CHRNA7: variants seen among roughly 807,000 people sequenced by gnomAD.
The protein encoded by CHRNA7 is cholinergic receptor nicotinic alpha 7 subunit.
In CHRNA7, 17 loss-of-function variants were observed where a neutral mutation model predicts 48.0. The observed-to-expected ratio is 0.35, with a 90% CI of 0.24 to 0.53. CHRNA7 has a LOEUF of 0.53. Ranked by LOEUF, CHRNA7 falls within the 20% of genes least tolerant of loss-of-function variation. The pLI, the probability that CHRNA7 is intolerant of heterozygous loss-of-function variation, is 0.92. For missense variants in CHRNA7, 155 were observed against 577.7 expected (o/e 0.27, Z 7.50); for synonymous variants, 75 against 242.3 (o/e 0.31, Z 6.41).
At chr15:32,127,393 TA>T (rs1159698076) in intron 4 of CHRNA7, among the ~76,000 whole-genome samples, 1 of 152,174 alleles carries the variant, frequency 6.6e-6, no homozygotes, top group African/African-American at 2.4e-5. Context: ...GAAACTGCCA[TA>T]CTCTTTTCCA....
intron 2 of CHRNA7, among the ~76,000 whole-genome samples, chr15:32,082,360 G>GTC (rs60244607): frequency 0.94 from 142,202 of 151,834 alleles, 67,311 homozygotes; most frequent in East Asian, 1. Flanking sequence ...AGTCCCATAA[G>GTC]TCTGACTTTT....
chr15:32,134,249 C>T (rs996541030), intron 4 of CHRNA7, among the ~76,000 whole-genome samples: 1 of 151,952 alleles, frequency 6.6e-6, no homozygotes, highest in East Asian at 1.9e-4. Context: ...ACCTTCACTT[C>T]CCAAGTTCAA....
Position 32,157,772 on chromosome 15 carries a change from G to C in CHRNA7, c.595G>C (p.Val199Leu), listed in dbSNP as rs1382269969. The C allele has an allele frequency of 7.8e-7, 1 of 1,285,388 alleles. No homozygotes were observed. Among genetic ancestry groups the C allele is most frequent in the South Asian group, 1.2e-5 (1 of 81,234 alleles). 79.6% of individuals were successfully genotyped at this position (1,285,388 alleles called of 1,614,324 possible). ...GYIPNGEWDLVGIPGKRSERF... is the reference protein window; with the variant it reads ...GYIPNGEWDLLGIPGKRSERF... Reference sequence around the variant, plus strand: ...TATCCCCAATGGAGAATGGGACCTAGTGGGTAAGCCATGGGACTAACCGCC... The same window carrying C: ...TATCCCCAATGGAGAATGGGACCTACTGGGTAAGCCATGGGACTAACCGCC... Residue 199 changes from valine to leucine, a missense_variant, in exon 6 of 10, where the codon GTG (valine) becomes CTG (leucine). Transcript: ENST00000306901.
intron 2 of CHRNA7, among the ~76,000 whole-genome samples, chr15:32,080,460 C>T (rs1039810444): frequency 6.6e-6 from 1 of 151,680 alleles, no homozygotes; most frequent in Non-Finnish European, 1.5e-5. Context: ...AAAACACAAC[C>T]CCATTAAAAA....
At chr15:32,069,405 G>A (rs547065856) in intron 2 of CHRNA7, among the ~76,000 whole-genome samples, 1 of 152,314 alleles carries the variant, frequency 6.6e-6, no homozygotes, top group Non-Finnish European at 1.5e-5. Flanking sequence ...CAGCATTTTG[G>A]GAGGCTGAGG....
At chr15:32,116,271 C>T (rs188926185) in intron 4 of CHRNA7, among the ~76,000 whole-genome samples, 12 of 152,316 alleles carry the variant, frequency 7.9e-5, no homozygotes, top group African/African-American at 2.4e-4. Flanking sequence ...GGAGTCCCCA[C>T]GTGAGTCACT....
At position 32,148,887 on chromosome 15, in the gene CHRNA7, G is replaced by A. The variant is rs77776908; in HGVS notation, c.351-5020G>A. 2.0e-4 allele frequency among the ~76,000 whole-genome samples: 31 copies of A among 152,308 alleles called. No individual in the cohort carries two copies. The South Asian group carries it at 2.5e-3, about 12-fold the overall frequency. ...CAGGGGCCTGTCCACATCCGTTTCC[G>A]TCTTTGGGAGCTCTGGCTATCCTTT... On this transcript the variant is annotated intron_variant, in intron 4 of 9. Transcript: ENST00000306901.
At chr15:32,087,145 T>C (rs1375692571) in intron 2 of CHRNA7, among the ~76,000 whole-genome samples, 2 of 152,154 alleles carry the variant, frequency 1.3e-5, no homozygotes, top group South Asian at 2.1e-4. Context: ...CTTCACCCCA[T>C]TTATTTATTT....
At chr15:32,039,019 A>G (rs2049401680) in intron 2 of CHRNA7, among the ~76,000 whole-genome samples, 1 of 152,126 alleles carries the variant, frequency 6.6e-6, no homozygotes, top group Admixed American at 6.5e-5. Context: ...GGAGTAGTCC[A>G]TTTTATCTAG....
chr15:32,038,961 A>G (rs978273054), intron 2 of CHRNA7, among the ~76,000 whole-genome samples: 6 of 152,130 alleles, frequency 3.9e-5, no homozygotes, highest in African/African-American at 1.4e-4. Flanking sequence ...GGCCCATTCA[A>G]ATTGTTTATT....
intron 3 of CHRNA7, 112 bp downstream of exon 3, chr15:32,101,459 A>C: frequency 8.6e-7 from 1 of 1,164,974 alleles, no homozygotes; most frequent in Non-Finnish European, 1.2e-6. Context: ...AGGAAAAAAA[A>C]CCAAAAAAAC....
chr15:32,107,758 G>A (rs575391148), intron 3 of CHRNA7, among the ~76,000 whole-genome samples: 10 of 152,110 alleles, frequency 6.6e-5, no homozygotes, highest in Non-Finnish European at 1.2e-4. Context: ...TTATAACCCC[G>A]TCTCGAGCCC....
At chr15:32,166,460 A>G (rs286095) in intron 9 of CHRNA7, 93 of 152,300 alleles carry the variant, frequency 6.1e-4, no homozygotes, top group African/African-American at 2.1e-3. Flanking sequence ...TATAGCTGCA[A>G]TGAAACTGGT....
intron 2 of CHRNA7, among the ~76,000 whole-genome samples, chr15:32,063,957 C>T (rs974556760): frequency 1.3e-5 from 2 of 152,090 alleles, no homozygotes; most frequent in African/African-American, 4.8e-5. Flanking sequence ...GGATGGTGTC[C>T]TTTATTACAG....
intron 6 of CHRNA7, 123 bp from the exon 7 acceptor site, chr15:32,158,289 C>CTTTTTT: frequency 1.9e-6 from 1 of 522,136 alleles, no homozygotes; most frequent in South Asian, 3.1e-5. Context: ...CAACCCCCCC[C>CTTTTTT]TTTTTTTTTT....
At chr15:32,064,758 A>G (rs1324350332) in intron 2 of CHRNA7, among the ~76,000 whole-genome samples, 1 of 152,106 alleles carries the variant, frequency 6.6e-6, no homozygotes, top group Admixed American at 6.6e-5. Context: ...GGGGTCATGC[A>G]TTCTTAACCC....
At chr15:32,030,503 G>A (rs111910242), upstream of CHRNA7, 7,203 of 1,269,214 alleles carry the variant, frequency 5.7e-3, 24 homozygotes, top group Non-Finnish European at 6.5e-3. Flanking sequence ...CGCGCGAGCC[G>A]AGCGGCGAGG....
intron 4 of CHRNA7, among the ~76,000 whole-genome samples, chr15:32,127,123 A>G (rs1368188778): frequency 2.0e-5 from 3 of 152,164 alleles, no homozygotes; most frequent in Non-Finnish European, 4.4e-5. Flanking sequence ...AGAATATTTT[A>G]TGTGTAGACT....
intron 3 of CHRNA7, among the ~76,000 whole-genome samples, chr15:32,103,870 CCT>C (rs10699683): frequency 2.5e-4 from 38 of 152,306 alleles, no homozygotes; most frequent in African/African-American, 8.7e-4. Flanking sequence ...GTCTCGCACA[CCT>C]CACCTCTGAT....
Sources: gnomAD v4.1 joint callset for allele counts (sites outside exome capture counted in the v4.1 genomes callset) on GRCh38, gnomAD v4.1.1 for gene constraint, MANE v1.5 for transcripts, NCBI Gene and HGNC (gene_info 2026-07-23, HGNC 2026-07-21) for gene names.